Variants in BCL9 observed in about 807,000 individuals in gnomAD.
The protein encoded by BCL9 is BCL9 transcription coactivator.
BCL9 carries 25 observed loss-of-function variants against 88.5 expected under a neutral mutation model. That is an observed-to-expected ratio of 0.28 (90% CI 0.21 to 0.39). BCL9 has a LOEUF of 0.39. Ranked by LOEUF, BCL9 falls within the 10% of genes least tolerant of loss-of-function variation. The pLI is 1.00. For missense variants in BCL9, 1,817 were observed against 1,877.8 expected (o/e 0.97, Z 0.60); for synonymous variants, 711 against 673.3 (o/e 1.06, Z -0.87).
intron 1 of BCL9, among the ~76,000 whole-genome samples, chr1:147,559,479 T>C (rs782357374): frequency 1.3e-5 from 2 of 152,204 alleles, no homozygotes; most frequent in Non-Finnish European, 2.9e-5. Context: ...CTGTTTAGGT[T>C]AGGCAAGCCA....
chr1:147,578,155 A>C (rs1656194744), intron 1 of BCL9, among the ~76,000 whole-genome samples: 1 of 152,122 alleles, frequency 6.6e-6, no homozygotes, highest in African/African-American at 2.4e-5. Context: ...TGACTGTGTG[A>C]CTGACTTCAA....
chr1:147,583,817 G>A (rs1241582575), intron 1 of BCL9, among the ~76,000 whole-genome samples: 1 of 151,224 alleles, frequency 6.6e-6, no homozygotes, highest in African/African-American at 2.4e-5. Flanking sequence ...GCTGGGCATG[G>A]TGGCTGGCAC....
intron 1 of BCL9, among the ~76,000 whole-genome samples, chr1:147,579,266 G>A (rs1009954615): frequency 2.0e-5 from 3 of 152,196 alleles, no homozygotes; most frequent in African/African-American, 7.2e-5. Flanking sequence ...AAGATGGAAG[G>A]AGAGGTGAGG....
At chr1:147,611,388 A>C (rs923357297) in intron 3 of BCL9, among the ~76,000 whole-genome samples, 190 bp from the exon 4 acceptor site, 1 of 151,956 alleles carries the variant, frequency 6.6e-6, no homozygotes, top group Non-Finnish European at 1.5e-5. Context: ...AGTCCTAGTC[A>C]CCCTCCAGCT....
At chr1:147,602,038 T>C (rs781810497) in intron 1 of BCL9, among the ~76,000 whole-genome samples, 7 of 151,782 alleles carry the variant, frequency 4.6e-5, no homozygotes, top group Non-Finnish European at 7.4e-5. Flanking sequence ...GTAGCTGGGA[T>C]TACAGGCACG....
chr1:147,545,132 G>A (rs189004992), intron 1 of BCL9, among the ~76,000 whole-genome samples: 4 of 152,204 alleles, frequency 2.6e-5, no homozygotes, highest in East Asian at 3.9e-4. Context: ...TGGTTAAGTC[G>A]TGTCATGAGA....
At chr1:147,598,350 G>C (rs1178080194) in intron 1 of BCL9, among the ~76,000 whole-genome samples, 1 of 152,080 alleles carries the variant, frequency 6.6e-6, no homozygotes, top group African/African-American at 2.4e-5. Context: ...TATATCCTCA[G>C]TCATGACAGA....
chr1:147,596,476 C>A, intron 1 of BCL9, among the ~76,000 whole-genome samples: 1 of 136,082 alleles, frequency 7.3e-6, no homozygotes. Flanking sequence ...TGCAGTGGAG[C>A]GATCTAGGCT....
At chr1:147,586,879 G>A (rs1042789506) in intron 1 of BCL9, among the ~76,000 whole-genome samples, 1 of 152,028 alleles carries the variant, frequency 6.6e-6, no homozygotes, top group African/African-American at 2.4e-5. Flanking sequence ...TTAAATTTAA[G>A]ATGCTCTGTT....
At chr1:147,573,217 C>T (rs1430709990) in intron 1 of BCL9, among the ~76,000 whole-genome samples, 2 of 152,100 alleles carry the variant, frequency 1.3e-5, no homozygotes, top group African/African-American at 4.8e-5. Context: ...TTGGGAGGAC[C>T]ATGTGGGTGG....
intron 4 of BCL9, 82 bp from the exon 5 acceptor site, chr1:147,612,801 C>G: frequency 7.1e-7 from 1 of 1,408,020 alleles, no homozygotes; most frequent in Non-Finnish European, 9.8e-7. Context: ...TCCTTGACCC[C>G]CAATAGAAAC....
At chr1:147,610,490 C>T (rs1657941070) in intron 3 of BCL9, among the ~76,000 whole-genome samples, 1 of 152,162 alleles carries the variant, frequency 6.6e-6, no homozygotes, top group Admixed American at 6.5e-5. Context: ...TTGATCCTCC[C>T]AATTTTAGCC....
chr1:147,591,808 C>G (rs1656855681), intron 1 of BCL9, among the ~76,000 whole-genome samples: 1 of 152,136 alleles, frequency 6.6e-6, no homozygotes, highest in Non-Finnish European at 1.5e-5. Flanking sequence ...AGTCCAGATT[C>G]TAATCATTGC....
intron 7 of BCL9, among the ~76,000 whole-genome samples, chr1:147,618,155 G>T (rs951008325): frequency 6.6e-6 from 1 of 152,126 alleles, no homozygotes; most frequent in African/African-American, 2.4e-5. Context: ...TCTCACTACA[G>T]TTAATGTACA....
chr1:147,548,037 T>C (rs1454386884), intron 1 of BCL9, among the ~76,000 whole-genome samples: 5 of 152,298 alleles, frequency 3.3e-5, no homozygotes, highest in African/African-American at 1.2e-4. Context: ...AATACGCAAA[T>C]TCAAAACTAC....
intron 1 of BCL9, among the ~76,000 whole-genome samples, chr1:147,600,770 G>C (rs1290410389): frequency 1.0e-5 from 1 of 97,578 alleles, no homozygotes; most frequent in African/African-American, 4.3e-5. Context: ...GGACTTTGCA[G>C]GCCAGTGACT....
chr1:147,585,394 A>G (rs1005932432), intron 1 of BCL9, among the ~76,000 whole-genome samples: 2 of 152,280 alleles, frequency 1.3e-5, no homozygotes, highest in African/African-American at 4.8e-5. Context: ...CATGTGACAA[A>G]GAGTACAGCT....
intron 1 of BCL9, among the ~76,000 whole-genome samples, chr1:147,591,675 C>T (rs781790198): frequency 5.9e-5 from 9 of 152,180 alleles, no homozygotes; most frequent in Non-Finnish European, 1.2e-4. Context: ...ATGCTGTGCT[C>T]CTTTCAGTCT....
chr1:147,615,997 T>G, intron 7 of BCL9, 95 bp downstream of exon 7: 1 of 1,217,398 alleles, frequency 8.2e-7, no homozygotes, highest in South Asian at 1.3e-5. Flanking sequence ...AAGGTAGTCT[T>G]GATGGCATGA....
Sources: gnomAD v4.1 joint callset for allele counts (sites outside exome capture counted in the v4.1 genomes callset) on GRCh38, gnomAD v4.1.1 for gene constraint, MANE v1.5 for transcripts, NCBI Gene and HGNC (gene_info 2026-07-23, HGNC 2026-07-21) for gene names.